MMEL1: variants seen among roughly 807,000 people sequenced by gnomAD.
MMEL1 encodes the protein membrane metallo-endopeptidase-like 1.
Under a neutral mutation model 117.1 loss-of-function variants are expected in MMEL1, and 98 were observed. The ratio of observed to expected loss-of-function variants is 0.84; its 90% CI spans 0.71 to 0.99. The LOEUF (loss-of-function observed/expected upper bound fraction) is 0.99, where lower values mean the gene tolerates loss of function less well. Among genes scored for constraint, MMEL1 ranks in the 50% least tolerant of loss-of-function variants. The pLI, the probability that MMEL1 is intolerant of heterozygous loss-of-function variation, is 0.00. For synonymous variants in MMEL1, 390 were observed against 415.1 expected (o/e 0.94, Z 0.74); for missense variants, 1,014 against 1,049.1 (o/e 0.97, Z 0.46).
At position 2,613,200 on chromosome 1, in the gene MMEL1, C is replaced by G. The variant is rs140121504; in HGVS notation, c.155-996G>C. 2.7e-4 allele frequency among the ~76,000 whole-genome samples: 41 copies of G among 152,326 alleles called. No individual in the cohort carries two copies. In the East Asian group the frequency reaches 7.9e-3, roughly 29 times the overall value. On this transcript the variant is annotated intron_variant, in intron 2 of 23. Coordinates refer to ENST00000378412, the MANE Select transcript of MMEL1 (RefSeq NM_033467.4). ...CCCGGTGGAAACAGGGAGAAAGTGC[C>G]GCATGCTGCATACACCGAGGTAAAG...
At chr1:2,605,110 G>A (rs1379608455) in intron 9 of MMEL1, among the ~76,000 whole-genome samples, 1 of 152,078 alleles carries the variant, frequency 6.6e-6, no homozygotes, top group Non-Finnish European at 1.5e-5. Flanking sequence ...CCTGCACCCT[G>A]GGCTAGCCCT....
Position 2,604,237 on chromosome 1 carries a change from C to T in MMEL1, c.861G>A (p.Leu287=). The change falls in exon 10 of 24, where the codon TTG becomes TTA. Residue 287 remains leucine, a synonymous_variant. Transcript: ENST00000378412. The part of the protein sequence containing the change: ...YLQFMVSVAT[L]LREDANLPRD... ...TGGGCAGGTTTGCATCCTCCCGCAG[C>T]AACGTGGCCACTGACACCATGAACT... 6.2e-7 allele frequency: 1 copy of T among 1,612,912 alleles called. No homozygotes were observed. Among genetic ancestry groups the T allele is most frequent in the Non-Finnish European group, 8.5e-7 (1 of 1,179,982 alleles).
At chr1:2,610,730 C>T (rs188129784) in intron 4 of MMEL1, among the ~76,000 whole-genome samples, 65 of 152,322 alleles carry the variant, frequency 4.3e-4, no homozygotes, top group Middle Eastern at 3.4e-3. Context: ...CTGCACCCCC[C>T]GACCAAGAAC....
intron 19 of MMEL1, 123 bp from the exon 20 acceptor site, chr1:2,593,089 C>T: frequency 7.9e-7 from 1 of 1,271,892 alleles, no homozygotes; most frequent in South Asian, 1.3e-5. Context: ...GGAGAGCCCA[C>T]AGTCTGAGTA....
intron 6 of MMEL1, among the ~76,000 whole-genome samples, chr1:2,608,454 C>A (rs1317334289): frequency 6.6e-6 from 1 of 152,078 alleles, no homozygotes; most frequent in East Asian, 1.9e-4. Flanking sequence ...CATCCACATG[C>A]ACACACAAGC....
Position 2,595,431 on chromosome 1 carries a change from AG to A in MMEL1, c.1501-73del. 1 of 1,344,020 alleles carries A rather than the reference AG, an allele frequency of 7.4e-7. No homozygotes were observed. The highest frequency in any genetic ancestry group is 1.2e-5 in the South Asian group (1 of 84,418). 83.3% of individuals were successfully genotyped at this position (1,344,020 alleles called of 1,614,324 possible). On this transcript the variant is annotated intron_variant, in intron 15 of 23. Transcript: ENST00000378412. The surrounding 1 kb of genome is among the most constrained non-coding windows in gnomAD (Gnocchi z 4.8). ...GAGTCAGCCCGGGGGCCGGTCAGTG[AG>A]TGCCACACTGTGGGAGGGGTCAGCC...
intron 2 of MMEL1, among the ~76,000 whole-genome samples, chr1:2,628,511 C>T (rs1638377758): frequency 6.6e-6 from 1 of 152,156 alleles, no homozygotes; most frequent in Non-Finnish European, 1.5e-5. Flanking sequence ...GCCCTACGCA[C>T]CTGCCCCGGG....
At chr1:2,596,175 T>C (rs1216122665) in intron 14 of MMEL1, 68 bp from the exon 15 acceptor site, 6 of 1,438,302 alleles carry the variant, frequency 4.2e-6, no homozygotes, top group African/African-American at 2.8e-5. Context: ...CTCAAGGGCT[T>C]TGGGGAGGTC....
At chr1:2,621,022 C>T (rs1264632920) in intron 2 of MMEL1, among the ~76,000 whole-genome samples, 2 of 152,198 alleles carry the variant, frequency 1.3e-5, no homozygotes, top group African/African-American at 4.8e-5. Context: ...TGATGGCTCA[C>T]ACCTATAATC....
At chr1:2,594,074 G>T in intron 18 of MMEL1, 141 bp from the exon 19 acceptor site, 1 of 1,176,182 alleles carries the variant, frequency 8.5e-7, no homozygotes, top group Non-Finnish European at 1.2e-6. Context: ...TCAATTTACA[G>T]ATGAAGACAC....
rs566613297 is a variant in MMEL1, at chr1:2,593,880, C to A, written c.1801G>T (p.Ala601Ser). The A allele has an allele frequency of 6.2e-7, 1 of 1,612,780 alleles. No homozygotes were observed. The highest frequency in any genetic ancestry group is 1.3e-5 in the African/African-American group (1 of 75,026). Reference sequence around the variant, plus strand: ...ATCCCAATGCCTCCAAAGTTCAAGGCCTGTGGCTGCTCCTTGCTGAAGAAG... The same window carrying A: ...ATCCCAATGCCTCCAAAGTTCAAGGACTGTGGCTGCTCCTTGCTGAAGAAG... ...PPFFSKEQPQ[A>S]LNFGGIGMVI... is the part of the protein sequence containing the mutation. Residue 601 changes from alanine to serine, a missense_variant, in exon 19 of 24, where the codon GCC becomes TCC. Physicochemically the swap from Ala to Ser is moderately conservative, Grantham distance 99 (BLOSUM62 1). Coordinates refer to ENST00000378412, the MANE Select transcript of MMEL1 (RefSeq NM_033467.4).
intron 11 of MMEL1, among the ~76,000 whole-genome samples, chr1:2,599,964 A>G (rs1644906326): frequency 6.6e-6 from 1 of 151,624 alleles, no homozygotes; most frequent in South Asian, 2.1e-4. Context: ...AGCAAACATA[A>G]CTTTTTTTTA....
At chr1:2,609,488 AC>A in intron 5 of MMEL1, 69 bp from the exon 6 acceptor site, 2 of 1,554,324 alleles carry the variant, frequency 1.3e-6, no homozygotes, top group Non-Finnish European at 1.8e-6. Flanking sequence ...AGGTCCCTAC[AC>A]CCCCTGAAGT....
At chr1:2,632,555 A>G in intron 1 of MMEL1, 1 of 163,086 alleles carries the variant, frequency 6.1e-6, no homozygotes, top group Middle Eastern at 7.4e-4. Context: ...AAACACCTTC[A>G]AATTGAGCCA....
chr1:2,592,754 G>A lies in MMEL1; in HGVS notation c.2002-34C>T, dbSNP rs568889370. 3.1e-6 allele frequency: 5 copies of A among 1,610,330 alleles called. No individual in the cohort carries two copies. The South Asian group carries it at 3.3e-5, about 11-fold the overall frequency. On this transcript the variant is annotated intron_variant, in intron 20 of 23. Coordinates refer to ENST00000378412, the MANE Select transcript of MMEL1 (RefSeq NM_033467.4). ...AGGAGACAGGATTGGGGCAGCCCCG[G>A]CCCTGACTTCCCTCTCCCTCAGGGC...
At chr1:2,602,026 T>A (rs2100937307) in intron 11 of MMEL1, among the ~76,000 whole-genome samples, 1 of 152,356 alleles carries the variant, frequency 6.6e-6, no homozygotes, top group Admixed American at 6.5e-5. Context: ...CCTACCCACT[T>A]GCCTGCCACA....
chr1:2,606,630 C>T (rs1466325896), intron 7 of MMEL1, among the ~76,000 whole-genome samples: 2 of 152,144 alleles, frequency 1.3e-5, no homozygotes, highest in East Asian at 3.9e-4. Flanking sequence ...CACTCCTGCC[C>T]CCGGGGGAAT....
At position 2,605,641 on chromosome 1, in the gene MMEL1, G is replaced by A. The variant is rs1213345597; in HGVS notation, c.751-18C>T. ...TGGTCTATCTGGAAATACAGAAGGT[G>A]TGACCCTGGGCAAGGGGCCCGGGGT... On this transcript the variant is annotated intron_variant, in intron 8 of 23. Coordinates refer to ENST00000378412, the MANE Select transcript of MMEL1 (RefSeq NM_033467.4). The A allele has an allele frequency of 3.1e-6, 5 of 1,608,230 alleles. No individual in the cohort carries two copies. Among genetic ancestry groups the A allele is most frequent in the Non-Finnish European group, 4.3e-6 (5 of 1,175,802 alleles).
intron 11 of MMEL1, among the ~76,000 whole-genome samples, chr1:2,603,140 C>T (rs1443588726): frequency 6.6e-6 from 1 of 152,202 alleles, no homozygotes; most frequent in Non-Finnish European, 1.5e-5. Context: ...AGGCTCTCCC[C>T]AGAGTCTCTC....
Sources: allele counts gnomAD v4.1 joint callset (sites outside exome capture counted in the v4.1 genomes callset), GRCh38; gene constraint gnomAD v4.1.1; non-coding constraint Gnocchi (gnomAD v3.1); transcripts MANE v1.5; gene names NCBI Gene and HGNC (gene_info 2026-07-23, HGNC 2026-07-21).